Variants in ACAP3 observed in about 807,000 individuals in gnomAD.
The protein encoded by ACAP3 is arf-GAP with coiled-coil, ANK repeat and PH domain-containing protein 3.
In ACAP3, 56 loss-of-function variants were observed where a neutral mutation model predicts 104.1. The ratio of observed to expected loss-of-function variants is 0.54; its 90% confidence interval spans 0.43 to 0.67. The LOEUF (loss-of-function observed/expected upper bound fraction) is 0.67. Among genes scored for constraint, ACAP3 ranks in the 30% least tolerant of loss-of-function variants. The pLI, the probability that ACAP3 is intolerant of heterozygous loss-of-function variation, is 0.00. For synonymous variants in ACAP3, 628 were observed against 496.2 expected (o/e 1.27, Z -3.53); for missense variants, 1,208 against 1,174.9 (o/e 1.03, Z -0.41).
At chr1:1,301,449 T>A (rs1641442406) in intron 5 of ACAP3, 1 of 128,892 alleles carries the variant, frequency 7.8e-6, no homozygotes, top group East Asian at 2.2e-4. Flanking sequence ...TTTTTTTTTG[T>A]AGAGATGGAG....
chr1:1,302,118 A>C, intron 4 of ACAP3, 72 bp from the exon 5 acceptor site: 3 of 1,301,186 alleles, frequency 2.3e-6, no homozygotes, highest in Non-Finnish European at 3.0e-6. Flanking sequence ...CCCCATCCTC[A>C]CCAGCAGAGG....
At position 1,307,427 on chromosome 1, in the gene ACAP3, C is replaced by A. The variant is rs546843573; in HGVS notation, c.47+342G>T. The A allele has an allele frequency of 1.9e-4, 240 of 1,293,772 alleles. 3 individuals are homozygous for A. In the African/African-American group the frequency reaches 3.2e-3, roughly 17 times the overall value. The allele number at this position is 1,293,772 out of a possible 1,614,324, so 80.1% of individuals were successfully genotyped here. A position where few individuals can be genotyped will look rare whatever the true frequency, so the allele number is the denominator to read the frequency against. On this transcript the variant is annotated intron_variant, in intron 1 of 23. Coordinates refer to ENST00000354700, the MANE Select transcript of ACAP3 (RefSeq NM_030649.3). The stretch of plus-strand genomic sequence containing the variant: ...CAGAGACCAGGGGCCGACGCCCCCA[C>A]GGACCCAGACGACCCTGGCCAGAGC...
intron 23 of ACAP3, 23 bp from the exon 24 acceptor site, chr1:1,293,731 A>AAGACCCTGCCCTGGAGGCCC: frequency 1.1e-6 from 1 of 938,986 alleles, no homozygotes; most frequent in African/African-American, 2.2e-5. Flanking sequence ...ACAGCGTGAG[A>AAGACCCTGCCCTGGAGGCCC]CGCCCCTGCC....
intron 1 of ACAP3, among the ~76,000 whole-genome samples, chr1:1,306,910 G>A (rs1158400579): frequency 2.0e-5 from 3 of 152,134 alleles, no homozygotes; most frequent in Non-Finnish European, 4.4e-5. Context: ...TGCACTCATC[G>A]GCAGGCTACA....
chr1:1,293,966 C>A (rs745993272), intron 22 of ACAP3, 33 bp from the exon 23 acceptor site: 29 of 620,920 alleles, frequency 4.7e-5, no homozygotes, highest in Non-Finnish European at 7.4e-5. Context: ...CGTGTCGGGG[C>A]GGGGCGGGGC....
Position 1,300,646 on chromosome 1 carries a change from G to A in ACAP3, c.385C>T (p.Arg129Trp). Residue 129 changes from arginine (R) to tryptophan (W), a missense_variant, in exon 6 of 24, where the codon CGG (arginine) becomes TGG (tryptophan). Coordinates refer to ENST00000354700, the MANE Select transcript of ACAP3 (RefSeq NM_030649.3). ...KETKKQFDKV[R>W]EDLELSLVRN... The stretch of plus-strand genomic sequence containing the variant: ...ACCAGGGACAGCTCCAGGTCCTCCC[G>A]CACCTTGTCAAACTGCTTCTTTGTC... 1.9e-6 allele frequency: 3 copies of A among 1,609,466 alleles called. No individual in the cohort carries two copies. The highest frequency in any genetic ancestry group is 1.7e-5 in the Admixed American group (1 of 58,990).
chr1:1,302,795 T>TCCC (rs34915340), intron 4 of ACAP3, 127 bp downstream of exon 4: 24 of 168,148 alleles, frequency 1.4e-4, no homozygotes, highest in Non-Finnish European at 2.0e-4. Flanking sequence ...AATGTGGGAT[T>TCCC]CCCCCCCCCC....
chr1:1,302,798 C>CG (rs113653541), intron 4 of ACAP3, 124 bp downstream of exon 4: 18 of 276,470 alleles, frequency 6.5e-5, no homozygotes, highest in Non-Finnish European at 9.8e-5. Flanking sequence ...GTGGGATTCC[C>CG]CCCCCCCCCG....
chr1:1,307,445 G>A (rs775396809), intron 1 of ACAP3: 219 of 1,295,516 alleles, frequency 1.7e-4, no homozygotes, highest in Non-Finnish European at 2.1e-4. Flanking sequence ...GACGACCCTG[G>A]CCAGAGCTGG....
intron 11 of ACAP3, 58 bp downstream of exon 11, chr1:1,298,490 ACCTGAGGACCCCACCCCCG>A (rs1329311481): frequency 2.5e-4 from 208 of 831,896 alleles, no homozygotes; most frequent in South Asian, 1.7e-3. Context: ...CCCTGCCCCC[ACCTGAGGACCCCACCCCCG>A]CCTGAGGACC....
At chr1:1,307,409 CA>C (rs749270381) in intron 1 of ACAP3, 2 of 1,291,852 alleles carry the variant, frequency 1.5e-6, no homozygotes, top group Non-Finnish European at 2.0e-6. Flanking sequence ...AGTCAGAGAC[CA>C]GGGGCCGACG....
chr1:1,301,893 GC>G, intron 5 of ACAP3, 94 bp downstream of exon 5: 1 of 1,240,974 alleles, frequency 8.1e-7, no homozygotes, highest in Non-Finnish European at 1.1e-6. Flanking sequence ...GGAGGCCTGG[GC>G]CCAAGGTGCC....
chr1:1,306,990 G>A (rs1641746926), intron 1 of ACAP3: 1 of 434,756 alleles, frequency 2.3e-6, no homozygotes, highest in Admixed American at 2.5e-5. Context: ...TGTCCGGAGG[G>A]AGGCACGCAG....
chr1:1,298,033 G>C lies in ACAP3; in HGVS notation c.996C>G (p.Phe332Leu), dbSNP rs748095891. 6.2e-7 allele frequency: 1 copy of C among 1,611,874 alleles called. No homozygotes were observed. Among genetic ancestry groups the C allele is most frequent in the Non-Finnish European group, 8.5e-7 (1 of 1,179,554 alleles). The change falls in exon 13 of 24, where the codon TTC (phenylalanine) becomes TTG (leucine). Residue 332 changes from phenylalanine to leucine, a missense_variant. Phe to Leu is a conservative substitution (Grantham distance 22). Coordinates refer to ENST00000354700, the MANE Select transcript of ACAP3 (RefSeq NM_030649.3). ...CTCACTTGGTGGGTGACAGCACCTC[G>C]AAGCAGAACCTCCGCTCGATGTCCT... ...PCEDIERRFC[F>L]EVLSPTKSCM...
chr1:1,292,646 GCCCTGCCT>G lies in ACAP3; in HGVS notation c.*910_*917del, dbSNP rs1172525396. 2.0e-5 allele frequency: 3 copies of G among 152,324 alleles called. No homozygotes were observed. Among genetic ancestry groups the G allele is most frequent in the African/African-American group, 7.2e-5 (3 of 41,464 alleles). 9.4% of individuals were successfully genotyped at this position (152,324 alleles called of 1,614,324 possible). A position where few individuals can be genotyped will look rare whatever the true frequency, so the allele number is the denominator to read the frequency against. On this transcript the variant is annotated 3_prime_UTR_variant, in exon 24 of 24. Coordinates refer to ENST00000354700, the MANE Select transcript of ACAP3 (RefSeq NM_030649.3). Reference sequence around the variant, plus strand: ...GCCTGACCTGCGCTGAGTGGGGGAGGCCCTGCCTCCCTGCCGGGCACCTTTGGGGAAGG... The same window carrying G: ...GCCTGACCTGCGCTGAGTGGGGGAGGCCCTGCCGGGCACCTTTGGGGAAGG...
In ACAP3 at chr1:1,297,896, G is replaced by C. The variant is rs148579205; in HGVS notation, c.1054C>G (p.Gln352Glu). 1.9e-6 allele frequency: 3 copies of C among 1,611,960 alleles called. No homozygotes were observed. In the African/African-American group the frequency reaches 4.0e-5, roughly 22 times the overall value. The part of the protein sequence containing the change: ...MLQADSEKLR[Q>E]AWVQAVQASI... The stretch of plus-strand genomic sequence containing the variant: ...GCCTGCACAGCCTGGACCCAGGCTT[G>C]CCGCAGCTTCTCGGAGTCAGCCTGC... Residue 352 changes from glutamine (Q) to glutamate (E), a missense_variant, in exon 14 of 24, where the codon CAA becomes GAA. By Grantham distance (29) the Gln-to-Glu change is conservative (BLOSUM62 2). Transcript: ENST00000354700.
In ACAP3 at chr1:1,303,657, T is replaced by A; in HGVS notation, c.106-376A>T. 1 of 278,504 alleles carries A rather than the reference T, an allele frequency of 3.6e-6. No homozygotes were observed. Among genetic ancestry groups the A allele is most frequent in the Non-Finnish European group, 6.4e-6 (1 of 157,296 alleles). 17.3% of individuals were successfully genotyped at this position (278,504 alleles called of 1,614,324 possible). A position where few individuals can be genotyped will look rare whatever the true frequency, so the allele number is the denominator to read the frequency against. ...GTGGGGCTCATGGACACGGCTCCCC[T>A]CTCCACGGCCTGTTGCCCCCTCTTT... On this transcript the variant is annotated intron_variant, in intron 2 of 23. Coordinates refer to ENST00000354700, the MANE Select transcript of ACAP3 (RefSeq NM_030649.3). The surrounding 1 kb of genome is among the most constrained non-coding windows in gnomAD (Gnocchi z 4.0).
intron 19 of ACAP3, 164 bp from the exon 20 acceptor site, chr1:1,294,980 G>A (rs1019710071): frequency 4.5e-6 from 3 of 659,346 alleles, no homozygotes; most frequent in South Asian, 3.9e-5. Flanking sequence ...TAGGAGCAAA[G>A]GAGAGAAAAC....
intron 1 of ACAP3, 137 bp downstream of exon 1, chr1:1,307,632 G>T: frequency 2.1e-6 from 2 of 948,106 alleles, no homozygotes; most frequent in Non-Finnish European, 2.6e-6. Context: ...CCGCCGCTTT[G>T]TCCGAGGCCG....
Sources: allele counts gnomAD v4.1 joint callset (sites outside exome capture counted in the v4.1 genomes callset), GRCh38; gene constraint gnomAD v4.1.1; non-coding constraint Gnocchi (gnomAD v3.1); transcripts MANE v1.5; gene names NCBI Gene and HGNC (gene_info 2026-07-23, HGNC 2026-07-21).